The following NIBAN1 variants were observed in gnomAD, a reference collection of about 807,000 sequenced individuals.
NIBAN1 encodes niban apoptosis regulator 1.
Under a neutral mutation model 75.1 loss-of-function variants are expected in NIBAN1, and 81 were observed. The observed-to-expected ratio is 1.08, with a 90% CI of 0.90 to 1.30. The LOEUF is 1.30. NIBAN1 is among the 50% of genes most tolerant of loss of function. NIBAN1 has a pLI of 0.00. For missense variants in NIBAN1, 1,133 were observed against 1,128.1 expected, an observed-to-expected ratio of 1.00 and a Z score of -0.06; for synonymous variants, 436 against 424.8, an observed-to-expected ratio of 1.03 and a Z score of -0.32.
chr1:184,874,840 C>T (rs762422135), intron 5 of NIBAN1, among the ~76,000 whole-genome samples: 81 of 151,712 alleles, frequency 5.3e-4, no homozygotes, highest in Non-Finnish European at 1.9e-4. Context: ...ACACTATTAA[C>T]ACACCTAAGC....
intron 1 of NIBAN1, among the ~76,000 whole-genome samples, chr1:184,906,773 T>G (rs1408410932): frequency 6.6e-6 from 1 of 152,248 alleles, no homozygotes; most frequent in East Asian, 1.9e-4. Flanking sequence ...CTGTTTTCCT[T>G]AACCAGTCTG....
At chr1:184,881,294 T>G (rs890366850) in intron 5 of NIBAN1, among the ~76,000 whole-genome samples, 26 of 152,062 alleles carry the variant, frequency 1.7e-4, no homozygotes, top group African/African-American at 6.3e-4. Context: ...CAGGGTTAAA[T>G]AGGAAACGCC....
intron 1 of NIBAN1, among the ~76,000 whole-genome samples, chr1:184,926,185 C>T (rs1657679874): frequency 6.6e-6 from 1 of 152,090 alleles, no homozygotes; most frequent in South Asian, 2.1e-4. Context: ...AAGGTTTCCA[C>T]TAAGAAGTCT....
Position 184,793,842 on chromosome 1 carries a change from C to T in NIBAN1, c.*1135G>A, listed in dbSNP as rs548001991. ...CCCAGTGCTTGGTATATAACAGAGA[C>T]TCAATTAGCTTGCTGAATGACCAAA... is the stretch of plus-strand genomic sequence containing the variant. On this transcript the variant is annotated 3_prime_UTR_variant, in exon 14 of 14. Coordinates refer to ENST00000367511, the MANE Select transcript of NIBAN1 (RefSeq NM_052966.4). 1 of 152,308 alleles carries T rather than the reference C, an allele frequency of 6.6e-6. No homozygotes were observed. Among genetic ancestry groups the T allele is most frequent in the Non-Finnish European group, 1.5e-5 (1 of 68,024 alleles). The allele number at this position is 152,308 out of a possible 1,614,324, so 9.4% of individuals were successfully genotyped here.
At chr1:184,920,116 A>G (rs1657491688) in intron 1 of NIBAN1, among the ~76,000 whole-genome samples, 2 of 152,192 alleles carry the variant, frequency 1.3e-5, no homozygotes, top group Admixed American at 6.5e-5. Flanking sequence ...ATTGAGGAGG[A>G]GGAAACCTAC....
Position 184,795,081 on chromosome 1 carries a change from C to T in NIBAN1, c.2683G>A (p.Val895Met). The T allele has an allele frequency of 6.2e-7, 1 of 1,614,128 alleles. No individual in the cohort carries two copies. Among genetic ancestry groups the T allele is most frequent in the Non-Finnish European group, 8.5e-7 (1 of 1,180,046 alleles). Residue 895 changes from valine to methionine, a missense_variant, in exon 14 of 14, where the codon GTG becomes ATG. Physicochemically the swap from Val to Met is conservative, Grantham distance 21. Coordinates refer to ENST00000367511, the MANE Select transcript of NIBAN1 (RefSeq NM_052966.4). ...ACATCCGGGTTTGGAGCATCCTCCA[C>T]CACCCACTGACACTCATGAATACGG... ...VARIHECQWV[V>M]EDAPNPDVLL...
chr1:184,972,149 A>G (rs922929976), intron 1 of NIBAN1, among the ~76,000 whole-genome samples: 3 of 152,234 alleles, frequency 2.0e-5, no homozygotes, highest in Non-Finnish European at 4.4e-5. Context: ...AAAGTTTATC[A>G]AGCTTAAAAG....
chr1:184,841,954 G>A (rs1396629006), intron 5 of NIBAN1, among the ~76,000 whole-genome samples: 1 of 152,084 alleles, frequency 6.6e-6, no homozygotes, highest in Non-Finnish European at 1.5e-5. Context: ...AACTCCAAAA[G>A]GATAGGGTGC....
intron 1 of NIBAN1, among the ~76,000 whole-genome samples, chr1:184,925,710 C>T (rs1483870223): frequency 6.6e-6 from 1 of 152,096 alleles, no homozygotes; most frequent in Non-Finnish European, 1.5e-5. Flanking sequence ...AAACTCTATA[C>T]ATTAACTTCA....
chr1:184,819,652 C>T (rs1654640355), intron 8 of NIBAN1, among the ~76,000 whole-genome samples: 1 of 152,172 alleles, frequency 6.6e-6, no homozygotes. Context: ...TAGAAGAAGC[C>T]TGAGCTTGCT....
rs747958678 is a variant in NIBAN1, at chr1:184,818,788, C to G, written c.1023G>C (p.Glu341Asp). 12 of 1,604,166 alleles carry G rather than the reference C, an allele frequency of 7.5e-6. No homozygotes were observed. Among genetic ancestry groups the G allele is most frequent in the Non-Finnish European group, 1.0e-5 (12 of 1,173,520 alleles). Residue 341 changes from glutamate (E) to aspartate (D), a missense_variant, in exon 9 of 14, where the codon GAG (glutamate) becomes GAC (aspartate). Coordinates refer to ENST00000367511, the MANE Select transcript of NIBAN1 (RefSeq NM_052966.4). ...TGGATGCCAGGAATGGCTGCACACT[C>G]TCCAAGCAGCTTTTCTCCGCCGGCT... ...VAQPAEKSCL[E>D]SVQPFLASIL...
intron 2 of NIBAN1, among the ~76,000 whole-genome samples, chr1:184,894,924 G>A (rs542965382): frequency 2.4e-4 from 37 of 152,172 alleles, no homozygotes; most frequent in Admixed American, 2.0e-3. Flanking sequence ...ATTCCCATCC[G>A]GCTTCATTGT....
At position 184,823,231 on chromosome 1, in the gene NIBAN1, T is replaced by C. The variant is rs757076554; in HGVS notation, c.921A>G (p.Gly307=). 8.7e-6 allele frequency: 14 copies of C among 1,614,114 alleles called. No individual in the cohort carries two copies. The East Asian group carries it at 2.9e-4, about 33-fold the overall frequency. Reference sequence around the variant, plus strand: ...TCTGATCCATGTCAGAACGGATCGTTCCTTCCAGGCCCTTTGTCAGAGCTC... The same window carrying C: ...TCTGATCCATGTCAGAACGGATCGTCCCTTCCAGGCCCTTTGTCAGAGCTC... ...ECRALTKGLE[G]TIRSDMDQIV... is the part of the protein sequence containing the mutation. Residue 307 remains glycine (G), a synonymous_variant, in exon 8 of 14, where the codon GGA becomes GGG. Transcript: ENST00000367511.
intron 1 of NIBAN1, among the ~76,000 whole-genome samples, chr1:184,944,178 T>C (rs1352656396): frequency 1.3e-5 from 2 of 152,160 alleles, no homozygotes; most frequent in Admixed American, 6.5e-5. Flanking sequence ...TCACCACTCA[T>C]TGGTGATAGT....
At chr1:184,877,538 G>A (rs75481890) in intron 5 of NIBAN1, among the ~76,000 whole-genome samples, 4 of 152,018 alleles carry the variant, frequency 2.6e-5, no homozygotes, top group Non-Finnish European at 5.9e-5. Flanking sequence ...ATTCCCTCCC[G>A]TATCACGTTC....
At chr1:184,955,021 T>A (rs528121901) in intron 1 of NIBAN1, among the ~76,000 whole-genome samples, 3 of 152,352 alleles carry the variant, frequency 2.0e-5, no homozygotes, top group East Asian at 1.9e-4. Flanking sequence ...TAAAATTTTT[T>A]AAAAACTGAT....
At chr1:184,835,454 ATTCT>A (rs931049045) in intron 5 of NIBAN1, among the ~76,000 whole-genome samples, 6 of 152,228 alleles carry the variant, frequency 3.9e-5, no homozygotes, top group East Asian at 1.9e-4. Context: ...TTTTCATGAT[ATTCT>A]TTCTTTCTAT....
At chr1:184,962,959 C>T (rs961200691) in intron 1 of NIBAN1, among the ~76,000 whole-genome samples, 1 of 151,936 alleles carries the variant, frequency 6.6e-6, no homozygotes, top group Non-Finnish European at 1.5e-5. Flanking sequence ...ATTATCCCAG[C>T]TAATAAATGA....
At chr1:184,824,332 C>A (rs1290868153) in intron 6 of NIBAN1, among the ~76,000 whole-genome samples, 1 of 152,098 alleles carries the variant, frequency 6.6e-6, no homozygotes, top group Non-Finnish European at 1.5e-5. Flanking sequence ...GCCCAGGTAC[C>A]ACTGCATCCC....
Sources: allele counts gnomAD v4.1 joint callset (sites outside exome capture counted in the v4.1 genomes callset), GRCh38; gene constraint gnomAD v4.1.1; transcripts MANE v1.5; gene names NCBI Gene and HGNC (gene_info 2026-07-23, HGNC 2026-07-21).